The following GNG7 variants were observed in gnomAD, a reference collection of about 807,000 sequenced individuals.
GNG7 encodes guanine nucleotide-binding protein G(I)/G(S)/G(O) subunit gamma-7.
A neutral mutation model predicts 4.0 loss-of-function variants in GNG7; 1 was observed. That is an observed-to-expected ratio of 0.25 (90% CI 0.09 to 1.18). The LOEUF is 1.18. Among genes scored for constraint, GNG7 ranks in the 50% most tolerant of loss-of-function variants. The probability of loss-of-function intolerance (pLI) is 0.50; values close to 1 mark genes in which losing one functional copy is unlikely to be tolerated. For missense variants in GNG7, 86 were observed against 91.9 expected, an observed-to-expected ratio of 0.94 and a Z score of 0.26; for synonymous variants, 34 against 36.9, an observed-to-expected ratio of 0.92 and a Z score of 0.29.
intron 1 of GNG7, among the ~76,000 whole-genome samples, chr19:2,662,439 G>T (rs1195967665): frequency 6.6e-6 from 1 of 152,004 alleles, no homozygotes; most frequent in African/African-American, 2.4e-5. Flanking sequence ...CCACAAGACT[G>T]CCCCTAACCT....
intron 1 of GNG7, among the ~76,000 whole-genome samples, chr19:2,651,275 TCCCTCCC>T (rs1568274479): frequency 5.7e-5 from 5 of 87,486 alleles, no homozygotes; most frequent in African/African-American, 2.0e-4. Context: ...CTTCCTTCCC[TCCCTCCC>T]TCCATCCCTC....
chr19:2,587,826 G>T (rs1980720659), intron 2 of GNG7, among the ~76,000 whole-genome samples: 1 of 150,538 alleles, frequency 6.6e-6, no homozygotes, highest in Non-Finnish European at 1.5e-5. Context: ...GGGCGACACA[G>T]CAAGACTCTC....
At chr19:2,662,666 A>G (rs756071984) in intron 1 of GNG7, among the ~76,000 whole-genome samples, 3 of 152,182 alleles carry the variant, frequency 2.0e-5, no homozygotes, top group Non-Finnish European at 4.4e-5. Context: ...ACCCTTCAGG[A>G]ACCTCCATGT....
In GNG7 at chr19:2,681,876, C is replaced by A. The variant is rs116882012; in HGVS notation, c.-135+20770G>T. 5.0e-4 allele frequency among the ~76,000 whole-genome samples: 76 copies of A among 152,208 alleles called. No homozygotes were observed. The East Asian group carries it at 0.014, about 28-fold the overall frequency. ...ATTTGCATTTCCCTGAGGACTGATG[C>A]GGAGCATGTTTTCAAGTGAAACTGA... On this transcript the variant is annotated intron_variant, in intron 1 of 4. Transcript: ENST00000382159.
At chr19:2,525,302 C>T (rs962502988) in intron 3 of GNG7, among the ~76,000 whole-genome samples, 5 of 152,204 alleles carry the variant, frequency 3.3e-5, no homozygotes, top group Non-Finnish European at 5.9e-5. Context: ...CGGGCTCTGC[C>T]TCGGTGCACA....
At chr19:2,655,590 G>A (rs1187518402) in intron 1 of GNG7, among the ~76,000 whole-genome samples, 1 of 151,916 alleles carries the variant, frequency 6.6e-6, no homozygotes, top group Admixed American at 6.6e-5. Flanking sequence ...TGTAATCTTA[G>A]CACTTTGGGA....
intron 3 of GNG7, among the ~76,000 whole-genome samples, chr19:2,520,972 C>A (rs999721086): frequency 6.6e-6 from 1 of 152,066 alleles, no homozygotes; most frequent in African/African-American, 2.4e-5. Context: ...AGGGCGAAGG[C>A]AGGCTGGGCG....
At position 2,626,390 on chromosome 19, in the gene GNG7, ACC is replaced by A. The variant is rs1982022766; in HGVS notation, c.-78+19832_-78+19833del. 6.6e-6 allele frequency among the ~76,000 whole-genome samples: 1 copy of A among 151,934 alleles called. No homozygotes were observed. The highest frequency in any genetic ancestry group is 1.5e-5 in the Non-Finnish European group (1 of 67,978). On this transcript the variant is annotated intron_variant, in intron 2 of 4. Transcript: ENST00000382159. This position sits in a 1 kb window ranked among gnomAD's most constrained non-coding sequence, Gnocchi z 5.0. ...TGTCACACAGGGAGGCTGGACCCAAACCAATTGATTGTTGTCATGGGTGGAGC... is the reference window on the plus strand; with the variant it reads ...TGTCACACAGGGAGGCTGGACCCAAAAATTGATTGTTGTCATGGGTGGAGC...
chr19:2,563,938 C>T (rs924537642), intron 2 of GNG7, among the ~76,000 whole-genome samples: 9 of 151,752 alleles, frequency 5.9e-5, no homozygotes, highest in African/African-American at 2.2e-4. Flanking sequence ...CATTGCAAAT[C>T]AAGGAATGGA....
intron 2 of GNG7, among the ~76,000 whole-genome samples, chr19:2,615,685 G>A (rs747658629): frequency 5.3e-4 from 81 of 151,420 alleles, no homozygotes; most frequent in Non-Finnish European, 1.1e-3. Flanking sequence ...GGATGGTCTC[G>A]ATGTCCTGAC....
intron 4 of GNG7, among the ~76,000 whole-genome samples, chr19:2,518,257 G>A (rs35103234): frequency 0.25 from 37,674 of 151,926 alleles, 4,739 homozygotes; most frequent in Middle Eastern, 0.27. Context: ...CCCGAGGCCC[G>A]ACATTCAAAG....
At chr19:2,515,896 A>G (rs558503903) in intron 4 of GNG7, among the ~76,000 whole-genome samples, 1 of 152,050 alleles carries the variant, frequency 6.6e-6, no homozygotes, top group Non-Finnish European at 1.5e-5. Flanking sequence ...TTGTGACTAT[A>G]TTAAATATCA....
chr19:2,570,558 G>A (rs997152538), intron 2 of GNG7, among the ~76,000 whole-genome samples: 17 of 152,186 alleles, frequency 1.1e-4, no homozygotes, highest in African/African-American at 3.6e-4. Context: ...CCACTTAGCC[G>A]AGAACTCATG....
At chr19:2,536,187 G>A (rs1978730108) in intron 3 of GNG7, among the ~76,000 whole-genome samples, 1 of 151,856 alleles carries the variant, frequency 6.6e-6, no homozygotes, top group Admixed American at 6.6e-5. Flanking sequence ...GGAGGCCGAG[G>A]TGGGCGGATC....
intron 4 of GNG7, among the ~76,000 whole-genome samples, chr19:2,518,248 C>CA (rs1325837286): frequency 1.3e-5 from 2 of 151,918 alleles, no homozygotes; most frequent in African/African-American, 4.8e-5. Flanking sequence ...CTGGCTCCCC[C>CA]CGAGGCCCGA....
intron 1 of GNG7, among the ~76,000 whole-genome samples, chr19:2,650,401 C>G (rs1472752966): frequency 1.3e-5 from 2 of 152,048 alleles, no homozygotes; most frequent in East Asian, 3.9e-4. Context: ...GTTGGCCAGG[C>G]TGGTCTTGAA....
At chr19:2,526,323 T>G (rs184367545) in intron 3 of GNG7, among the ~76,000 whole-genome samples, 1 of 151,648 alleles carries the variant, frequency 6.6e-6, no homozygotes, top group African/African-American at 2.4e-5. Flanking sequence ...CAGGCTGGTC[T>G]CAAACGCCTG....
rs940795310 is a variant in GNG7, at chr19:2,511,829, TTGGCC to T, written c.*3188_*3192del. ...GAGGTCGCAGCTGAGCTATCTGTGC[TTGGCC>T]TGGGGTTACCCCTGGGGAGGGTGGG... On this transcript the variant is annotated 3_prime_UTR_variant, in exon 5 of 5. Transcript: ENST00000382159. This position sits in a 1 kb window ranked among gnomAD's most constrained non-coding sequence, Gnocchi z 6.3. The T allele has an allele frequency of 1.5e-5, 15 of 986,110 alleles. No homozygotes were observed. In the African/African-American group the frequency reaches 2.6e-4, roughly 17 times the overall value. The allele number at this position is 986,110 out of a possible 1,614,324, so 61.1% of individuals were successfully genotyped here.
At chr19:2,527,240 C>T (rs934563781) in intron 3 of GNG7, among the ~76,000 whole-genome samples, 14 of 152,318 alleles carry the variant, frequency 9.2e-5, no homozygotes, top group African/African-American at 2.4e-4. Flanking sequence ...CCCTCCAGGG[C>T]GACGTCACCT....
Sources: allele counts gnomAD v4.1 joint callset (sites outside exome capture counted in the v4.1 genomes callset), GRCh38; gene constraint gnomAD v4.1.1; non-coding constraint Gnocchi (gnomAD v3.1); transcripts MANE v1.5; gene names NCBI Gene and HGNC (gene_info 2026-07-23, HGNC 2026-07-21).